The following ITSN1 variants were observed in gnomAD, a reference collection of about 807,000 sequenced individuals.
ITSN1 encodes the protein intersectin-1.
A neutral mutation model predicts 239.8 loss-of-function variants in ITSN1; 58 were observed. The observed-to-expected ratio is 0.24, with a 90% CI of 0.20 to 0.30. The LOEUF is 0.30. Among genes scored for constraint, ITSN1 ranks in the 10% least tolerant of loss-of-function variants. The pLI, the probability that ITSN1 is intolerant of heterozygous loss-of-function variation, is 1.00. For missense variants in ITSN1, 1,558 were observed against 2,103.3 expected (o/e 0.74, Z 5.07); for synonymous variants, 780 against 770.8 (o/e 1.01, Z -0.20).
At chr21:33,697,125 CA>C (rs2146749869) in intron 1 of ITSN1, among the ~76,000 whole-genome samples, 2 of 151,284 alleles carry the variant, frequency 1.3e-5, no homozygotes, top group Admixed American at 1.3e-4. Context: ...CTCTGTCGCC[CA>C]AGTTGGAGTG....
intron 1 of ITSN1, among the ~76,000 whole-genome samples, chr21:33,710,665 T>C (rs2092388630): frequency 6.6e-6 from 1 of 152,004 alleles, no homozygotes; most frequent in Non-Finnish European, 1.5e-5. Context: ...GTATTATAGT[T>C]GTATGACCTA....
chr21:33,686,379 A>G (rs1393415806), intron 1 of ITSN1, among the ~76,000 whole-genome samples: 2 of 151,846 alleles, frequency 1.3e-5, no homozygotes, highest in Non-Finnish European at 1.5e-5. Flanking sequence ...TTTTCCTGGT[A>G]TATTTTTCTG....
chr21:33,649,715 A>G (rs1415663181), intron 1 of ITSN1, among the ~76,000 whole-genome samples: 2 of 152,118 alleles, frequency 1.3e-5, no homozygotes, highest in Non-Finnish European at 2.9e-5. Context: ...GTGAATTCGA[A>G]TGTGAAAATA....
At chr21:33,881,273 C>T (rs571112247) in intron 34 of ITSN1, among the ~76,000 whole-genome samples, 2 of 152,006 alleles carry the variant, frequency 1.3e-5, no homozygotes, top group Admixed American at 6.5e-5. Context: ...CGGGCGTGGT[C>T]GCGAGCACCT....
chr21:33,748,550 A>C (rs2067327650), intron 5 of ITSN1, among the ~76,000 whole-genome samples: 1 of 151,982 alleles, frequency 6.6e-6, no homozygotes, highest in Non-Finnish European at 1.5e-5. Flanking sequence ...CTTTTAAAAA[A>C]TAGTAAAGGT....
chr21:33,785,494 C>G lies in ITSN1; in HGVS notation c.1824+3361C>G, dbSNP rs148975645. Reference sequence around the variant, plus strand: ...TTTTAACATACAATCTGATTTAGTTCTTTCTCTAGAATGTCTTGCTCAGAT... The same window carrying G: ...TTTTAACATACAATCTGATTTAGTTGTTTCTCTAGAATGTCTTGCTCAGAT... On this transcript the variant is annotated intron_variant, in intron 16 of 39. Coordinates refer to ENST00000381318, the MANE Select transcript of ITSN1 (RefSeq NM_003024.3). Among the ~76,000 whole-genome samples, 1,163 of 152,284 alleles carry G rather than the reference C, an allele frequency of 7.6e-3. 14 individuals carry two copies. The highest frequency in any genetic ancestry group is 0.027 in the African/African-American group (1,109 of 41,556).
At chr21:33,704,099 T>G (rs573999048) in intron 1 of ITSN1, among the ~76,000 whole-genome samples, 1 of 152,188 alleles carries the variant, frequency 6.6e-6, no homozygotes, top group Non-Finnish European at 1.5e-5. Flanking sequence ...TAGAACTGAT[T>G]TCGTTCACTT....
rs1318100264 is a variant in ITSN1 at position 33,721,269 on chromosome 21, T to C, written c.120T>C (p.Thr40=). The C allele has an allele frequency of 3.8e-6, 6 of 1,585,784 alleles. No individual in the cohort carries two copies. In the African/African-American group the frequency reaches 6.7e-5, roughly 18 times the overall value. Residue 40 remains threonine (T), a splice_region_variant and synonymous_variant, in exon 3 of 40, where the codon ACT becomes ACC. Transcript: ENST00000381318. ...TAAAGCCAATATCTGGATTCATTAC[T>C]GGTAATCACAGTCAGCATTTTTTCA... ...HSLKPISGFI[T]GDQARNFFFQ...
At chr21:33,863,156 C>T (rs1350530872) in intron 31 of ITSN1, among the ~76,000 whole-genome samples, 3 of 152,138 alleles carry the variant, frequency 2.0e-5, no homozygotes, top group Admixed American at 6.5e-5. Context: ...CCATCCTGGA[C>T]GAAGACCCAT....
chr21:33,871,469 T>C (rs1258840312), intron 33 of ITSN1, among the ~76,000 whole-genome samples: 2 of 150,182 alleles, frequency 1.3e-5, no homozygotes, highest in Admixed American at 1.3e-4. Context: ...AAAGGCCGGA[T>C]GTGGTGGCTC....
chr21:33,811,659 T>C (rs2072926281), intron 21 of ITSN1, among the ~76,000 whole-genome samples: 1 of 152,234 alleles, frequency 6.6e-6, no homozygotes, highest in Non-Finnish European at 1.5e-5. Flanking sequence ...GAAAGCTGTT[T>C]CCTTTAAAGC....
At chr21:33,738,714 T>A (rs911138628) in intron 5 of ITSN1, among the ~76,000 whole-genome samples, 2 of 152,156 alleles carry the variant, frequency 1.3e-5, no homozygotes, top group Non-Finnish European at 2.9e-5. Context: ...TTAGGTTTTT[T>A]AAAATTACCT....
rs745684064 is a variant in ITSN1 at position 33,774,971 on chromosome 21, G to A, written c.1459G>A (p.Asp487Asn). 2 of 1,611,032 alleles carry A rather than the reference G, an allele frequency of 1.2e-6. No individual in the cohort carries two copies. The highest frequency in any genetic ancestry group is 1.7e-6 in the Non-Finnish European group (2 of 1,178,692). ...TLEFELEALN[D>N]KKHQLEGKLQ... ...TATTATCTTTCATTTGTTCAAGAATGATAAAAAGCATCAACTAGAAGGGAA... is the reference window on the plus strand; with the variant it reads ...TATTATCTTTCATTTGTTCAAGAATAATAAAAAGCATCAACTAGAAGGGAA... Residue 487 changes from aspartate to asparagine, a missense_variant, in exon 14 of 40, where the codon GAT becomes AAT. By Grantham distance (23) the Asp-to-Asn change is conservative (BLOSUM62 1). Transcript: ENST00000381318.
Position 33,789,353 on chromosome 21 carries a change from A to G in ITSN1, c.1825-4988A>G, listed in dbSNP as rs537215561. ...CATTTTTTAATGAGGTCAATTTAAT[A>G]TTAACAGTATGAAGATTATTATAAA... On this transcript the variant is annotated intron_variant, in intron 16 of 39. Coordinates refer to ENST00000381318, the MANE Select transcript of ITSN1 (RefSeq NM_003024.3). Among the ~76,000 whole-genome samples the G allele has an allele frequency of 5.3e-5, 8 of 152,310 alleles. No individual in the cohort carries two copies. In the East Asian group the frequency reaches 1.5e-3, roughly 29 times the overall value.
At chr21:33,831,483 C>G (rs143063485) in intron 27 of ITSN1, among the ~76,000 whole-genome samples, 28 of 152,184 alleles carry the variant, frequency 1.8e-4, no homozygotes, top group African/African-American at 6.5e-4. Context: ...ATGAGCAGGA[C>G]GGTATGGAAC....
In ITSN1 at chr21:33,802,780, T is replaced by A. The variant is rs527316181; in HGVS notation, c.2319+336T>A. 1.5e-3 allele frequency among the ~76,000 whole-genome samples: 226 copies of A among 152,204 alleles called. 2 individuals are homozygous for A. Among genetic ancestry groups the A allele is most frequent in the African/African-American group, 4.4e-3 (182 of 41,526 alleles). ...AAAAGATAAAATTCTGGGAAAAAAATTTTTTTAAGCAGACTATTGGAATAA... is the reference window on the plus strand; with the variant it reads ...AAAAGATAAAATTCTGGGAAAAAAAATTTTTTAAGCAGACTATTGGAATAA... On this transcript the variant is annotated intron_variant, in intron 20 of 39. Coordinates refer to ENST00000381318, the MANE Select transcript of ITSN1 (RefSeq NM_003024.3).
At position 33,899,142 on chromosome 21, in the gene ITSN1, T is replaced by C. The variant is rs1418136648; in HGVS notation, c.*10842T>C. The C allele has an allele frequency of 6.6e-6, 1 of 152,200 alleles. No individual in the cohort carries two copies. The highest frequency in any genetic ancestry group is 2.4e-5 in the African/African-American group (1 of 41,424). The allele number at this position is 152,200 out of a possible 1,614,324, so 9.4% of individuals were successfully genotyped here. A position where few individuals can be genotyped will look rare whatever the true frequency, so the allele number is the denominator to read the frequency against. On this transcript the variant is annotated 3_prime_UTR_variant, in exon 40 of 40. Transcript: ENST00000381318. The stretch of plus-strand genomic sequence containing the variant: ...CTGTGAGTGGAAACAAGTCAGCCAG[T>C]CAACTGTCCCTTGGGCCTTGGTTGT...
intron 1 of ITSN1, among the ~76,000 whole-genome samples, chr21:33,682,016 T>C (rs1387472358): frequency 4.0e-5 from 6 of 151,598 alleles, no homozygotes; most frequent in African/African-American, 1.2e-4. Context: ...CTTTTATATT[T>C]AAAATGAAAA....
intron 33 of ITSN1, among the ~76,000 whole-genome samples, chr21:33,868,363 C>G (rs1473259751): frequency 6.6e-6 from 1 of 152,266 alleles, no homozygotes; most frequent in Non-Finnish European, 1.5e-5. Context: ...CGCCGTGGAG[C>G]AGGGGGCGGC....
Sources: gnomAD v4.1 joint callset for allele counts (sites outside exome capture counted in the v4.1 genomes callset) on GRCh38, gnomAD v4.1.1 for gene constraint, MANE v1.5 for transcripts, NCBI Gene and HGNC (gene_info 2026-07-23, HGNC 2026-07-21) for gene names.